The following ABCC1 variants were observed in gnomAD, a reference collection of about 807,000 sequenced individuals.
The protein encoded by ABCC1 is multidrug resistance-associated protein 1.
In ABCC1, 83 loss-of-function variants were observed where a neutral mutation model predicts 172.9. The observed-to-expected ratio is 0.48, with a 90% CI of 0.40 to 0.58. ABCC1 has a LOEUF of 0.58. Among genes scored for constraint, ABCC1 ranks in the 20% least tolerant of loss-of-function variants. The probability of loss-of-function intolerance (pLI) is 0.00; values close to 1 mark genes in which losing one functional copy is unlikely to be tolerated. For missense variants in ABCC1, 1,817 were observed against 2,002.7 expected (o/e 0.91, Z 1.77); for synonymous variants, 937 against 825.2 (o/e 1.14, Z -2.32).
chr16:16,013,033 CAG>C (rs916174512), intron 3 of ABCC1, among the ~76,000 whole-genome samples: 39 of 152,150 alleles, frequency 2.6e-4, no homozygotes, highest in Admixed American at 3.3e-4. Context: ...CTGGGGGAAA[CAG>C]GGGTGATAGT....
chr16:16,080,187 C>T (rs1166717322), intron 16 of ABCC1, among the ~76,000 whole-genome samples: 1 of 152,136 alleles, frequency 6.6e-6, no homozygotes, highest in African/African-American at 2.4e-5. Context: ...GCGTCTCTGC[C>T]TGTCACTGAG....
intron 1 of ABCC1, among the ~76,000 whole-genome samples, chr16:15,989,011 A>C (rs918478916): frequency 6.8e-6 from 1 of 147,508 alleles, no homozygotes; most frequent in Non-Finnish European, 1.5e-5. Context: ...CAAAGCTGTA[A>C]TGAGCTATAA....
intron 16 of ABCC1, among the ~76,000 whole-genome samples, chr16:16,079,873 G>A (rs1462267878): frequency 6.6e-6 from 1 of 151,512 alleles, no homozygotes; most frequent in Non-Finnish European, 1.5e-5. Flanking sequence ...GAGTGAAGTG[G>A]CGTGATCTCG....
chr16:16,007,706 G>C (rs1296687824), intron 1 of ABCC1, 110 bp from the exon 2 acceptor site: 12 of 1,048,004 alleles, frequency 1.1e-5, no homozygotes, highest in Non-Finnish European at 1.7e-5. Flanking sequence ...GGATATATAG[G>C]AGCCTTGTCT....
chr16:16,016,453 C>A, intron 4 of ABCC1, 43 bp from the exon 5 acceptor site: 1 of 1,611,092 alleles, frequency 6.2e-7, no homozygotes, highest in Non-Finnish European at 8.5e-7. Flanking sequence ...CACACCCAGC[C>A]CCAGAATGTG....
rs373317809 is a variant in ABCC1, at chr16:16,102,613, C to G, written c.2645-14C>G. The stretch of plus-strand genomic sequence containing the variant: ...ATATAACCCCACTTGCCCCCTTTGT[C>G]TCTCTTCTGCCAGGGGTCACGGGCG... On this transcript the variant is annotated splice_polypyrimidine_tract_variant and intron_variant, in intron 19 of 30. Coordinates refer to ENST00000399410, the MANE Select transcript of ABCC1 (RefSeq NM_004996.4). The G allele has an allele frequency of 1.1e-4, 176 of 1,566,536 alleles. No homozygotes were observed. The highest frequency in any genetic ancestry group is 1.5e-4 in the Non-Finnish European group (172 of 1,155,054).
intron 18 of ABCC1, among the ~76,000 whole-genome samples, chr16:16,087,686 T>C (rs1348852746): frequency 6.6e-6 from 1 of 152,230 alleles, no homozygotes; most frequent in Non-Finnish European, 1.5e-5. Context: ...CTCGAACTCC[T>C]GACCTCAAGT....
At chr16:16,019,321 C>A (rs1056200572) in intron 5 of ABCC1, among the ~76,000 whole-genome samples, 2 of 152,110 alleles carry the variant, frequency 1.3e-5, no homozygotes, top group African/African-American at 4.8e-5. Context: ...CCCGGCTGGT[C>A]TCGAACTCCT....
At chr16:16,131,723 A>G in intron 26 of ABCC1, 66 bp from the exon 27 acceptor site, 1 of 1,567,278 alleles carries the variant, frequency 6.4e-7, no homozygotes, top group Non-Finnish European at 8.7e-7. Flanking sequence ...AGGGGAGGTC[A>G]GGGGAGTCAC....
chr16:16,101,454 T>G (rs974409443), intron 19 of ABCC1, among the ~76,000 whole-genome samples: 3 of 152,328 alleles, frequency 2.0e-5, no homozygotes, highest in African/African-American at 7.2e-5. Context: ...CTTCCAGGTG[T>G]GTCTGTGTCT....
At chr16:16,084,733 C>T (rs1248951914) in intron 17 of ABCC1, among the ~76,000 whole-genome samples, 2 of 151,458 alleles carry the variant, frequency 1.3e-5, no homozygotes, top group Non-Finnish European at 2.9e-5. Context: ...TGATTCTCCT[C>T]CCTCAGCCTC....
At chr16:15,996,303 T>C (rs2047054990) in intron 1 of ABCC1, among the ~76,000 whole-genome samples, 2 of 152,134 alleles carry the variant, frequency 1.3e-5, no homozygotes, top group African/African-American at 4.8e-5. Context: ...TTAAATTTTT[T>C]TGTAGAGATA....
intron 1 of ABCC1, among the ~76,000 whole-genome samples, chr16:15,979,897 T>C (rs1460302302): frequency 6.6e-6 from 1 of 152,204 alleles, no homozygotes; most frequent in Non-Finnish European, 1.5e-5. Context: ...AGACTCGTTC[T>C]GAGGTCCATT....
chr16:16,102,708 A>T lies in ABCC1; in HGVS notation c.2726A>T (p.Gln909Leu). 6.3e-7 allele frequency: 1 copy of T among 1,579,962 alleles called. No individual in the cohort carries two copies. Among genetic ancestry groups the T allele is most frequent in the Non-Finnish European group, 8.6e-7 (1 of 1,162,550 alleles). ...GMLVTDSAGKQLQRQLSSSSS... is the reference protein window; with the variant it reads ...GMLVTDSAGKLLQRQLSSSSS... ...CTGGTGACGGACAGTGCAGGGAAGC[A>T]ACTGCAGAGGTAAGGGCGGGGAGGA... Residue 909 changes from glutamine to leucine, a missense_variant, in exon 20 of 31, where the codon CAA becomes CTA. Transcript: ENST00000399410.
chr16:16,052,205 A>C (rs1458393047), intron 10 of ABCC1, among the ~76,000 whole-genome samples: 1 of 151,546 alleles, frequency 6.6e-6, no homozygotes, highest in Non-Finnish European at 1.5e-5. Flanking sequence ...CCTTACAAAA[A>C]ACCAAAAAAA....
chr16:15,999,583 C>T (rs2047175021), intron 1 of ABCC1, among the ~76,000 whole-genome samples: 1 of 150,784 alleles, frequency 6.6e-6, no homozygotes, highest in African/African-American at 2.4e-5. Context: ...CCATTGCACT[C>T]CAGCCTGGGC....
rs202222707 is a variant in ABCC1 at position 16,138,442 on chromosome 16, G to A, written c.4371G>A (p.Thr1457=). 6.8e-6 allele frequency: 11 copies of A among 1,612,924 alleles called. No homozygotes were observed. Among genetic ancestry groups the A allele is most frequent in the Admixed American group, 1.7e-5 (1 of 59,982 alleles). Residue 1457 remains threonine, a synonymous_variant, in exon 30 of 31, where the codon ACG becomes ACA. Transcript: ENST00000399410. ...KTKILVLDEA[T]AAVDLETDDL... is the part of the protein sequence containing the mutation. ...AGATCCTTGTGTTGGATGAGGCCACGGCAGCCGTGGACCTGGAAACGGACG... is the reference window on the plus strand; with the variant it reads ...AGATCCTTGTGTTGGATGAGGCCACAGCAGCCGTGGACCTGGAAACGGACG...
chr16:16,111,240 G>T (rs934317340), intron 21 of ABCC1, 135 bp from the exon 22 acceptor site: 11 of 716,492 alleles, frequency 1.5e-5, no homozygotes, highest in Non-Finnish European at 2.7e-5. Flanking sequence ...TAGCTAAAGG[G>T]GAGGGGTGTT....
intron 19 of ABCC1, among the ~76,000 whole-genome samples, chr16:16,096,077 G>A (rs564082201): frequency 2.0e-5 from 3 of 152,136 alleles, no homozygotes; most frequent in South Asian, 4.2e-4. Context: ...GACCAGCCTC[G>A]CCAACATGGT....
Sources: gnomAD v4.1 joint callset for allele counts (sites outside exome capture counted in the v4.1 genomes callset) on GRCh38, gnomAD v4.1.1 for gene constraint, MANE v1.5 for transcripts, NCBI Gene and HGNC (gene_info 2026-07-23, HGNC 2026-07-21) for gene names.